The following GPC3 variants were observed in gnomAD, a reference collection of about 807,000 sequenced individuals.
The protein encoded by GPC3 is glypican-3.
GPC3 carries 3 observed loss-of-function variants against 34.4 expected under a neutral mutation model. The observed-to-expected ratio is 0.09, with a 90% CI of 0.04 to 0.23. The LOEUF (loss-of-function observed/expected upper bound fraction) is 0.23. GPC3 is among the 10% of genes least tolerant of loss of function. The pLI is 1.00. For missense variants in GPC3, 351 were observed against 445.6 expected, an observed-to-expected ratio of 0.79 and a Z score of 1.91; for synonymous variants, 177 against 174.0, an observed-to-expected ratio of 1.02 and a Z score of -0.13.
chrX:133,933,191 G>A (rs2076306280), intron 2 of GPC3, among the ~76,000 whole-genome samples: 1 of 110,815 alleles, frequency 9.0e-6, no homozygotes, highest in Non-Finnish European at 1.9e-5. Flanking sequence ...ATACAGAGAT[G>A]AACTCAAAAC....
intron 2 of GPC3, among the ~76,000 whole-genome samples, chrX:133,892,595 T>G (rs946843311): frequency 2.7e-5 from 3 of 109,260 alleles, no homozygotes; most frequent in African/African-American, 6.7e-5. Context: ...TTGTTTTTTG[T>G]TTTTTTTTAA....
intron 2 of GPC3, among the ~76,000 whole-genome samples, chrX:133,930,287 C>T (rs1025970061): frequency 3.6e-5 from 4 of 111,955 alleles, no homozygotes; most frequent in Non-Finnish European, 5.6e-5. Context: ...GGTACTCCTG[C>T]GTCTAGTGGG....
At chrX:133,982,677 T>C (rs1052140723) in intron 1 of GPC3, among the ~76,000 whole-genome samples, 2 of 112,195 alleles carry the variant, frequency 1.8e-5, no homozygotes, top group African/African-American at 3.2e-5. Context: ...CAGGACATTC[T>C]TGAGGATTTC....
chrX:133,599,483 A>C (rs950348516), intron 6 of GPC3, among the ~76,000 whole-genome samples: 1 of 111,654 alleles, frequency 9.0e-6, no homozygotes, highest in African/African-American at 3.3e-5. Flanking sequence ...CCATTGTGCA[A>C]ATATCAACAC....
At chrX:133,705,700 G>A (rs1247973117) in intron 3 of GPC3, among the ~76,000 whole-genome samples, 1 of 112,182 alleles carries the variant, frequency 8.9e-6, no homozygotes, top group Non-Finnish European at 1.9e-5. Context: ...CCAGGTCTGT[G>A]GTTATGTGGA....
At chrX:133,961,282 C>T (rs1241981400) in intron 1 of GPC3, among the ~76,000 whole-genome samples, 2 of 111,410 alleles carry the variant, frequency 1.8e-5, no homozygotes, top group Non-Finnish European at 3.8e-5. Context: ...TGGACTCTGC[C>T]TCTGTAAAAG....
At chrX:133,581,929 A>G (rs1473516250) in intron 7 of GPC3, among the ~76,000 whole-genome samples, 2 of 112,207 alleles carry the variant, frequency 1.8e-5, no homozygotes, top group African/African-American at 6.5e-5. Flanking sequence ...CATGATTTTA[A>G]GTTTATTCTG....
intron 3 of GPC3, among the ~76,000 whole-genome samples, chrX:133,748,834 C>T (rs1005273536): frequency 8.9e-6 from 1 of 111,920 alleles, no homozygotes; most frequent in Admixed American, 9.5e-5. Context: ...AAGGTCCTAG[C>T]TTTGCCACTA....
intron 2 of GPC3, among the ~76,000 whole-genome samples, chrX:133,916,423 A>T (rs1369449565): frequency 3.6e-5 from 4 of 111,561 alleles, no homozygotes; most frequent in African/African-American, 1.3e-4. Context: ...TAATTTTCTT[A>T]TCTGTGTTTT....
intron 2 of GPC3, among the ~76,000 whole-genome samples, chrX:133,906,994 G>A (rs1357445029): frequency 6.4e-5 from 7 of 109,840 alleles, no homozygotes; most frequent in African/African-American, 1.0e-4. Flanking sequence ...CCAGCTACTC[G>A]GGAGGCCGAG....
chrX:133,619,857 T>G (rs1172750886), intron 6 of GPC3, among the ~76,000 whole-genome samples: 2 of 110,727 alleles, frequency 1.8e-5, no homozygotes, highest in Non-Finnish European at 3.8e-5. Context: ...CACTAACCAA[T>G]TAGGAAGAAT....
At chrX:133,908,013 T>A (rs1196949802) in intron 2 of GPC3, among the ~76,000 whole-genome samples, 1 of 110,767 alleles carries the variant, frequency 9.0e-6, no homozygotes, top group Non-Finnish European at 1.9e-5. Flanking sequence ...TGTTTTTGCA[T>A]CTCCTTGATA....
rs756598026 is a variant in GPC3, at chrX:133,692,374, C to T, written c.1287G>A (p.Val429=). The T allele has an allele frequency of 2.9e-5, 35 of 1,210,091 alleles. No homozygotes were observed. Among genetic ancestry groups the T allele is most frequent in the Admixed American group, 4.4e-5 (2 of 45,937 alleles). Residue 429 remains valine (V), a synonymous_variant, in exon 5 of 8, where the codon GTG becomes GTA. Transcript: ENST00000370818. ...TAACTTTCAAAAAAGATCACCTCTC[C>T]ACGAGTTCTTGTCCATTCCAGCAAA... ...DTLCWNGQEL[V]ERYSQKAARN... is the part of the protein sequence containing the mutation.
At chrX:133,786,757 T>C (rs765308574) in intron 2 of GPC3, among the ~76,000 whole-genome samples, 7 of 111,853 alleles carry the variant, frequency 6.3e-5, no homozygotes, top group Non-Finnish European at 1.1e-4. Context: ...TTTTTTTTTC[T>C]TTTTTTCCTT....
intron 2 of GPC3, among the ~76,000 whole-genome samples, chrX:133,933,169 A>G (rs1263813156): frequency 9.0e-6 from 1 of 111,153 alleles, no homozygotes; most frequent in Non-Finnish European, 1.9e-5. Context: ...AACACTGAGT[A>G]AGGGGGCAGA....
chrX:133,653,104 T>G (rs914698607), intron 6 of GPC3, among the ~76,000 whole-genome samples: 2 of 112,204 alleles, frequency 1.8e-5, no homozygotes, highest in African/African-American at 6.5e-5. Flanking sequence ...TTTAGTACCT[T>G]CATTGACCAC....
At chrX:133,794,853 A>G (rs754215453) in intron 2 of GPC3, among the ~76,000 whole-genome samples, 3 of 112,572 alleles carry the variant, frequency 2.7e-5, no homozygotes, top group Non-Finnish European at 5.6e-5. Context: ...TATTAGTCAC[A>G]GACCATGTTT....
chrX:133,596,063 G>T (rs1603183020), intron 7 of GPC3, among the ~76,000 whole-genome samples: 1 of 111,551 alleles, frequency 9.0e-6, no homozygotes, highest in South Asian at 3.8e-4. Context: ...AGGTAAACTT[G>T]TGTCATGGGG....
At chrX:133,804,786 C>T (rs900811067) in intron 2 of GPC3, among the ~76,000 whole-genome samples, 2 of 111,138 alleles carry the variant, frequency 1.8e-5, no homozygotes, top group African/African-American at 6.6e-5. Flanking sequence ...CTTCACACTA[C>T]ATATTTTTTT....
Sources: allele counts gnomAD v4.1 joint callset (sites outside exome capture counted in the v4.1 genomes callset), GRCh38; gene constraint gnomAD v4.1.1; transcripts MANE v1.5; gene names NCBI Gene and HGNC (gene_info 2026-07-23, HGNC 2026-07-21).